The following NRXN3 variants were observed in gnomAD, a reference collection of about 807,000 sequenced individuals.
The protein encoded by NRXN3 is neurexin 3, also known as neurexin III.
In NRXN3, 32 loss-of-function variants were observed where a neutral mutation model predicts 137.6. The ratio of observed to expected loss-of-function variants is 0.23; its 90% CI spans 0.18 to 0.31. The LOEUF (loss-of-function observed/expected upper bound fraction) is 0.31, where lower values mean the gene tolerates loss of function less well. NRXN3 is among the 10% of genes least tolerant of loss of function. The probability of loss-of-function intolerance (pLI) is 1.00; values close to 1 mark genes in which losing one functional copy is unlikely to be tolerated. For missense variants in NRXN3, 1,574 were observed against 2,062.5 expected, an observed-to-expected ratio of 0.76 and a Z score of 4.59; for synonymous variants, 798 against 784.5, an observed-to-expected ratio of 1.02 and a Z score of -0.29.
intron 4 of NRXN3, among the ~76,000 whole-genome samples, chr14:78,420,830 C>A (rs1321852683): frequency 6.6e-6 from 1 of 152,182 alleles, no homozygotes; most frequent in Non-Finnish European, 1.5e-5. Flanking sequence ...ACTGCTATAG[C>A]CTTGGCTGAG....
chr14:78,917,510 T>A (rs2099258675), intron 10 of NRXN3, among the ~76,000 whole-genome samples: 1 of 152,236 alleles, frequency 6.6e-6, no homozygotes, highest in Admixed American at 6.5e-5. Context: ...TATATAGCCT[T>A]ATATAAAGGA....
Position 78,803,668 on chromosome 14 carries a change from T to C in NRXN3, c.2093T>C (p.Met698Thr), listed in dbSNP as rs1384031582. 5 of 1,614,082 alleles carry C rather than the reference T, an allele frequency of 3.1e-6. No homozygotes were observed. Among genetic ancestry groups the C allele is most frequent in the Admixed American group, 1.7e-5 (1 of 60,012 alleles). ...YDGSMYMKII[M>T]PMVMHTEAED... ...GGTAGCATGTACATGAAGATCATCA[T>C]GCCCATGGTCATGCATACTGAGGCA... The change falls in exon 9 of 21, where the codon ATG becomes ACG. Residue 698 changes from methionine to threonine, a missense_variant. By Grantham distance (81) the Met-to-Thr change is moderately conservative (BLOSUM62 -1). Around this residue, in one of 5 missense-constraint regions of NRXN3, gnomAD observed 718 missense variants for 887.6 expected, o/e 0.81. Coordinates refer to ENST00000335750, the MANE Select transcript of NRXN3 (RefSeq NM_001330195.2).
At chr14:79,447,291 T>C (rs900750941) in intron 15 of NRXN3, among the ~76,000 whole-genome samples, 2 of 152,172 alleles carry the variant, frequency 1.3e-5, no homozygotes, top group African/African-American at 4.8e-5. Flanking sequence ...AGGATGTTTT[T>C]CTGAAAAGAC....
intron 3 of NRXN3, among the ~76,000 whole-genome samples, chr14:78,286,809 G>T (rs1270741104): frequency 6.6e-6 from 1 of 152,218 alleles, no homozygotes; most frequent in East Asian, 1.9e-4. Flanking sequence ...TGTGCTAAGT[G>T]TATTCCATGT....
chr14:79,522,680 A>G (rs2097079071), intron 16 of NRXN3, among the ~76,000 whole-genome samples: 1 of 152,184 alleles, frequency 6.6e-6, no homozygotes, highest in Non-Finnish European at 1.5e-5. Context: ...TATTCACTAT[A>G]GTTCTAAAAC....
intron 3 of NRXN3, among the ~76,000 whole-genome samples, chr14:78,287,803 G>GT (rs534364587): frequency 3.1e-4 from 46 of 148,494 alleles, no homozygotes; most frequent in African/African-American, 3.9e-4. Flanking sequence ...AACATCTCCA[G>GT]TTTTTTTTTT....
At position 78,635,247 on chromosome 14, in the gene NRXN3, T is replaced by G. The variant is rs2097557532; in HGVS notation, c.758-9873T>G. Among the ~76,000 whole-genome samples the G allele has an allele frequency of 2.0e-5, 3 of 152,216 alleles. No homozygotes were observed. The South Asian group carries it at 6.2e-4, about 31-fold the overall frequency. ...AGAGAATTCTTTACTTGTTTTCATC[T>G]TGGGCTAAAGAGATATTTGATAGAA... On this transcript the variant is annotated intron_variant, in intron 4 of 20. Coordinates refer to ENST00000335750, the MANE Select transcript of NRXN3 (RefSeq NM_001330195.2).
chr14:78,679,024 T>C (rs1231314981), intron 6 of NRXN3, among the ~76,000 whole-genome samples: 1 of 152,154 alleles, frequency 6.6e-6, no homozygotes, highest in Non-Finnish European at 1.5e-5. Flanking sequence ...CACAGGGCCA[T>C]ACTCTCCTTC....
At chr14:78,178,121 G>A (rs926665136) in intron 1 of NRXN3, among the ~76,000 whole-genome samples, 23 of 152,222 alleles carry the variant, frequency 1.5e-4, no homozygotes, top group Non-Finnish European at 5.9e-5. Context: ...GGCCACTCAG[G>A]TAGGAAGTGA....
intron 6 of NRXN3, among the ~76,000 whole-genome samples, chr14:78,660,396 T>A (rs912015165): frequency 6.6e-6 from 1 of 152,070 alleles, no homozygotes; most frequent in Admixed American, 6.5e-5. Context: ...TTAGTGAGCA[T>A]GTGATCCCTA....
intron 10 of NRXN3, among the ~76,000 whole-genome samples, chr14:78,909,660 A>G (rs907395963): frequency 1.3e-5 from 2 of 152,114 alleles, no homozygotes; most frequent in African/African-American, 4.8e-5. Flanking sequence ...TTTTCAATTA[A>G]TAATGTAGAA....
At chr14:79,183,969 G>A (rs2063231198) in intron 15 of NRXN3, among the ~76,000 whole-genome samples, 1 of 152,134 alleles carries the variant, frequency 6.6e-6, no homozygotes, top group South Asian at 2.1e-4. Context: ...GAACCACAGA[G>A]AGTCTTTCCA....
At chr14:78,372,405 G>A (rs1012611423) in intron 4 of NRXN3, among the ~76,000 whole-genome samples, 7 of 151,714 alleles carry the variant, frequency 4.6e-5, no homozygotes, top group East Asian at 1.9e-4. Context: ...GTTCACTGCA[G>A]CCTCTGCCTC....
chr14:79,640,698 C>T (rs1452529755), intron 16 of NRXN3, among the ~76,000 whole-genome samples: 1 of 135,888 alleles, frequency 7.4e-6, no homozygotes. Context: ...CAAAAGCTCT[C>T]TCGGCTTCAT....
At chr14:78,431,974 C>T (rs1187598851) in intron 4 of NRXN3, among the ~76,000 whole-genome samples, 2 of 152,030 alleles carry the variant, frequency 1.3e-5, no homozygotes, top group South Asian at 2.1e-4. Flanking sequence ...ACACTCTTTC[C>T]GTGGCCAGGA....
At chr14:79,206,406 A>G (rs770934114) in intron 15 of NRXN3, among the ~76,000 whole-genome samples, 3 of 152,172 alleles carry the variant, frequency 2.0e-5, no homozygotes, top group Non-Finnish European at 4.4e-5. Context: ...CATGGGCTCT[A>G]TGTCTGCCTG....
At chr14:78,512,136 G>A (rs1009141036) in intron 4 of NRXN3, among the ~76,000 whole-genome samples, 2 of 152,060 alleles carry the variant, frequency 1.3e-5, no homozygotes, top group African/African-American at 2.4e-5. Context: ...TGATGATGAA[G>A]GATTCATGGC....
intron 2 of NRXN3, among the ~76,000 whole-genome samples, chr14:78,266,647 G>T (rs1221295402): frequency 2.6e-5 from 4 of 152,048 alleles, no homozygotes; most frequent in African/African-American, 9.7e-5. Context: ...GGGTTTCTGA[G>T]CTCCCTCTGG....
At chr14:78,679,036 G>A (rs2098043230) in intron 6 of NRXN3, among the ~76,000 whole-genome samples, 1 of 152,062 alleles carries the variant, frequency 6.6e-6, no homozygotes, top group African/African-American at 2.4e-5. Context: ...CTCTCCTTCA[G>A]ACGATAAAGC....
Sources: gnomAD v4.1 joint callset for allele counts (sites outside exome capture counted in the v4.1 genomes callset) on GRCh38, gnomAD v4.1.1 for gene constraint, gnomAD v4.1.1 regional missense constraint, MANE v1.5 for transcripts, NCBI Gene and HGNC (gene_info 2026-07-23, HGNC 2026-07-21) for gene names.